Variants in HIPK3 observed in about 807,000 individuals in gnomAD.
HIPK3 encodes homeodomain interacting protein kinase 3.
A neutral mutation model predicts 124.2 loss-of-function variants in HIPK3; 47 were observed. The ratio of observed to expected loss-of-function variants is 0.38; its 90% CI spans 0.30 to 0.48. HIPK3 has a LOEUF of 0.48. Ranked by LOEUF, HIPK3 falls within the 20% of genes least tolerant of loss-of-function variation. The pLI, the probability that HIPK3 is intolerant of heterozygous loss-of-function variation, is 0.98. For synonymous variants in HIPK3, 482 were observed against 515.2 expected (o/e 0.94, Z 0.87); for missense variants, 1,286 against 1,454.3 (o/e 0.88, Z 1.88).
intron 2 of HIPK3, among the ~76,000 whole-genome samples, chr11:33,296,409 A>G (rs917347484): frequency 2.0e-5 from 3 of 152,146 alleles, no homozygotes; most frequent in African/African-American, 7.2e-5. Flanking sequence ...TGGTTCTAGG[A>G]TATTACTTCT....
chr11:33,258,825 T>C, intron 1 of HIPK3: 1 of 688,856 alleles, frequency 1.5e-6, no homozygotes, highest in Non-Finnish European at 1.8e-6. Context: ...AACCGTGTTT[T>C]CACAACCTCT....
intron 4 of HIPK3, 58 bp downstream of exon 4, chr11:33,337,252 C>A: frequency 9.6e-7 from 1 of 1,038,272 alleles, no homozygotes; most frequent in Non-Finnish European, 1.4e-6. Flanking sequence ...GCCTCATATG[C>A]ATGGATAATA....
intron 16 of HIPK3, among the ~76,000 whole-genome samples, chr11:33,352,523 G>T (rs1404545810): frequency 6.6e-6 from 1 of 152,072 alleles, no homozygotes; most frequent in Non-Finnish European, 1.5e-5. Context: ...TGTTATCTCA[G>T]AACATCATTA....
chr11:33,322,642 G>A (rs2133960050), intron 2 of HIPK3, among the ~76,000 whole-genome samples: 1 of 152,188 alleles, frequency 6.6e-6, no homozygotes, highest in African/African-American at 2.4e-5. Flanking sequence ...CCTGGCCAAT[G>A]TGGCGAAACC....
chr11:33,312,048 C>T (rs534068140), intron 2 of HIPK3, among the ~76,000 whole-genome samples: 3 of 151,052 alleles, frequency 2.0e-5, no homozygotes, highest in African/African-American at 4.9e-5. Flanking sequence ...TTTGTAGAGA[C>T]AGGGTCTTGC....
At chr11:33,257,925 G>C (rs1850709598) in intron 1 of HIPK3, 36 bp downstream of exon 1, 3 of 985,644 alleles carry the variant, frequency 3.0e-6, no homozygotes, top group Non-Finnish European at 3.6e-6. Context: ...GCCACCCCGG[G>C]GTGGGGGGAT....
chr11:33,344,617 C>T lies in HIPK3; in HGVS notation c.1898-2676C>T, dbSNP rs185621934. 1.5e-3 allele frequency among the ~76,000 whole-genome samples: 224 copies of T among 152,138 alleles called. 2 individuals are homozygous for T. The highest frequency in any genetic ancestry group is 5.1e-3 in the African/African-American group (211 of 41,506). On this transcript the variant is annotated intron_variant, in intron 8 of 16. Coordinates refer to ENST00000303296, the MANE Select transcript of HIPK3 (RefSeq NM_005734.5). ...TCAGTGGTTTACAATATGGGATAAT[C>T]GAAGGAAAAGAATTACTGTCACAGA...
chr11:33,309,129 G>A (rs1590385186), intron 2 of HIPK3, among the ~76,000 whole-genome samples: 1 of 152,144 alleles, frequency 6.6e-6, no homozygotes. Context: ...CAAAGGGAGG[G>A]ATTATCTTTT....
chr11:33,264,480 C>A (rs200348427), intron 1 of HIPK3, among the ~76,000 whole-genome samples: 11 of 78,376 alleles, frequency 1.4e-4, no homozygotes, highest in Non-Finnish European at 3.2e-4. Context: ...GGAAAAAAAA[C>A]AGTTTAGATT....
chr11:33,276,391 T>A lies in HIPK3; in HGVS notation c.-2-10022T>A, dbSNP rs1487970533. Among the ~76,000 whole-genome samples the A allele has an allele frequency of 2.0e-5, 3 of 152,244 alleles. No homozygotes were observed. In the South Asian group the frequency reaches 6.2e-4, roughly 31 times the overall value. On this transcript the variant is annotated intron_variant, in intron 1 of 16. Transcript: ENST00000303296. ...TCCTCAATTTGGATTTGTTTTCATA[T>A]TTTTGAGACAGGGCCTATGAATAAA...
intron 1 of HIPK3, among the ~76,000 whole-genome samples, chr11:33,262,004 A>G (rs954919070): frequency 6.6e-6 from 1 of 152,150 alleles, no homozygotes; most frequent in Non-Finnish European, 1.5e-5. Flanking sequence ...GGCCACACGT[A>G]TGTCTTTTGA....
intron 2 of HIPK3, among the ~76,000 whole-genome samples, chr11:33,316,538 C>A (rs145051156): frequency 1.3e-4 from 20 of 152,232 alleles, no homozygotes; most frequent in African/African-American, 4.6e-4. Flanking sequence ...GAAAATTGTT[C>A]CTGGCTGGGC....
In HIPK3 at chr11:33,258,195, G is replaced by C. The variant is rs1033814405; in HGVS notation, c.-3+306G>C. Reference sequence around the variant, plus strand: ...GGGAAGCCGCGCCTGGCCGGGGCCCGGGGGCCTCGGCCCCCCCTCCCCCTG... The same window carrying C: ...GGGAAGCCGCGCCTGGCCGGGGCCCCGGGGCCTCGGCCCCCCCTCCCCCTG... On this transcript the variant is annotated intron_variant, in intron 1 of 16. Transcript: ENST00000303296. 3.5e-5 allele frequency: 22 copies of C among 620,192 alleles called. No individual in the cohort carries two copies. In the African/African-American group the frequency reaches 4.2e-4, roughly 12 times the overall value. 38.4% of individuals were successfully genotyped at this position (620,192 alleles called of 1,614,324 possible).
rs188152932 is a variant in HIPK3 at position 33,339,497 on chromosome 11, A to G, written c.1576A>G (p.Asn526Asp). 3 of 1,608,576 alleles carry G rather than the reference A, an allele frequency of 1.9e-6. No homozygotes were observed. The Admixed American group carries it at 5.0e-5, about 27-fold the overall frequency. The change falls in exon 6 of 17, where the codon AAT (asparagine) becomes GAT (aspartate). Residue 526 changes from asparagine to aspartate, a missense_variant. By Grantham distance (23) the Asn-to-Asp change is conservative. Around this residue, in one of 3 missense-constraint regions of HIPK3, gnomAD observed 810 missense variants for 864.9 expected, o/e 0.94. Transcript: ENST00000303296. ...TGAGACCCTGAACCATCCTTTTGTTAATATGAAACATCTTCTAGATTTCCC... is the reference window on the plus strand; with the variant it reads ...TGAGACCCTGAACCATCCTTTTGTTGATATGAAACATCTTCTAGATTTCCC... ...PAETLNHPFV[N>D]MKHLLDFPHS... is the part of the protein sequence containing the mutation.
At chr11:33,274,488 T>C (rs368575937) in intron 1 of HIPK3, among the ~76,000 whole-genome samples, 2 of 152,180 alleles carry the variant, frequency 1.3e-5, no homozygotes, top group Non-Finnish European at 2.9e-5. Flanking sequence ...TTGGTAGATA[T>C]TGGGCGTTGT....
chr11:33,269,757 A>AT (rs34433604), intron 1 of HIPK3, among the ~76,000 whole-genome samples: 100,814 of 151,380 alleles, frequency 0.67, 33,840 homozygotes, highest in Non-Finnish European at 0.72. Flanking sequence ...GCTCCCCTGT[A>AT]TTTTTTTTAT....
chr11:33,350,428 AG>A (rs1170576372), intron 14 of HIPK3, among the ~76,000 whole-genome samples: 1 of 151,950 alleles, frequency 6.6e-6, no homozygotes, highest in Admixed American at 6.6e-5. Flanking sequence ...GCACTTTGGG[AG>A]GCCAAGGCAG....
chr11:33,353,600 AAACATTTGATTAAAAAT>A lies in HIPK3; in HGVS notation c.*35_*51del. On this transcript the variant is annotated 3_prime_UTR_variant, in exon 17 of 17. Coordinates refer to ENST00000303296, the MANE Select transcript of HIPK3 (RefSeq NM_005734.5). ...GTATATTGGGGAAGCTCAATGATACAAACATTTGATTAAAAATAAAAACATGGTATTTAATATTAGCC... is the reference window on the plus strand; with the variant it reads ...GTATATTGGGGAAGCTCAATGATACAAAAAACATGGTATTTAATATTAGCC... The A allele has an allele frequency of 7.5e-7, 1 of 1,325,914 alleles. No homozygotes were observed. The highest frequency in any genetic ancestry group is 1.1e-6 in the Non-Finnish European group (1 of 926,250). 82.1% of individuals were successfully genotyped at this position (1,325,914 alleles called of 1,614,324 possible).
chr11:33,311,829 C>A (rs1852346359), intron 2 of HIPK3, among the ~76,000 whole-genome samples: 2 of 135,818 alleles, frequency 1.5e-5, no homozygotes, highest in Non-Finnish European at 1.6e-5. Flanking sequence ...ATAGCAGGAC[C>A]CTGTTTCTAC....
Sources: allele counts gnomAD v4.1 joint callset (sites outside exome capture counted in the v4.1 genomes callset), GRCh38; gene constraint gnomAD v4.1.1; regional missense constraint gnomAD v4.1.1; transcripts MANE v1.5; gene names NCBI Gene and HGNC (gene_info 2026-07-23, HGNC 2026-07-21).